QTMAN: variants seen among roughly 807,000 people sequenced by gnomAD.
QTMAN encodes tRNA-queuosine alpha-mannosyltransferase.
the QTMAN span, among the ~76,000 whole-genome samples, chr2:144,300,021 T>C: frequency 6.6e-6 from 1 of 152,268 alleles, no homozygotes; most frequent in Admixed American, 6.5e-5. Flanking sequence ...TCAATCAAAA[T>C]GGCAAATGCC....
the QTMAN span, among the ~76,000 whole-genome samples, chr2:144,309,021 T>C: frequency 1.9e-4 from 29 of 152,240 alleles, no homozygotes; most frequent in African/African-American, 7.0e-4. Flanking sequence ...AATGAAAATA[T>C]CAACATCACT....
the QTMAN span, among the ~76,000 whole-genome samples, chr2:144,180,473 A>T: frequency 7.9e-5 from 12 of 152,196 alleles, no homozygotes; most frequent in Non-Finnish European, 1.0e-4. Context: ...TTCAGAGTTT[A>T]GCTACCAATA....
chr2:144,010,716 G>C, the QTMAN span, among the ~76,000 whole-genome samples: 16 of 151,966 alleles, frequency 1.1e-4, no homozygotes, highest in Non-Finnish European at 2.1e-4. Flanking sequence ...TAATAATTAA[G>C]GCAATGGAAG....
At chr2:144,267,451 T>G in the QTMAN span, among the ~76,000 whole-genome samples, 2 of 152,122 alleles carry the variant, frequency 1.3e-5, no homozygotes, top group Admixed American at 1.3e-4. Flanking sequence ...ACCCTCTACA[T>G]TTGGCTAGAT....
the QTMAN span, among the ~76,000 whole-genome samples, chr2:144,212,621 T>C: frequency 1.3e-5 from 2 of 152,194 alleles, no homozygotes; most frequent in African/African-American, 2.4e-5. Flanking sequence ...TAGTATTATA[T>C]GACATTAAGA....
the QTMAN span, among the ~76,000 whole-genome samples, chr2:144,184,068 T>A: frequency 6.6e-6 from 1 of 152,154 alleles, no homozygotes; most frequent in Admixed American, 6.6e-5. Context: ...AAAGCTGGGA[T>A]AAGTTAGAGA....
At chr2:144,146,404 G>A in the QTMAN span, among the ~76,000 whole-genome samples, 1 of 151,056 alleles carries the variant, frequency 6.6e-6, no homozygotes, top group African/African-American at 2.4e-5. Flanking sequence ...TTTTATGAAA[G>A]GCTGATTCCT....
chr2:144,027,570 C>T, the QTMAN span, among the ~76,000 whole-genome samples: 1 of 152,172 alleles, frequency 6.6e-6, no homozygotes, highest in Non-Finnish European at 1.5e-5. Context: ...GAAATGGCTG[C>T]CTTCCGCAAA....
At chr2:143,965,060 C>CTTT in the QTMAN span, among the ~76,000 whole-genome samples, 5 of 142,440 alleles carry the variant, frequency 3.5e-5, no homozygotes, top group South Asian at 9.0e-4. Flanking sequence ...TGTTCTTCTT[C>CTTT]TTTTTTTTTT....
chr2:144,261,335 AG>A, the QTMAN span, among the ~76,000 whole-genome samples: 9 of 152,230 alleles, frequency 5.9e-5, no homozygotes, highest in East Asian at 3.9e-4. Context: ...AATTTCGGGG[AG>A]GGGGGGATGA....
the QTMAN span, among the ~76,000 whole-genome samples, chr2:144,059,545 G>A: frequency 4.6e-5 from 7 of 152,290 alleles, no homozygotes; most frequent in African/African-American, 1.7e-4. Flanking sequence ...AAGAAAGAAA[G>A]AAATGAGGGA....
chr2:144,287,982 G>T, the QTMAN span, among the ~76,000 whole-genome samples: 1 of 152,006 alleles, frequency 6.6e-6, no homozygotes. Flanking sequence ...AGCCTCCCAA[G>T]TAGCTGGGAT....
chr2:144,143,783 A>G, the QTMAN span, among the ~76,000 whole-genome samples: 1 of 151,960 alleles, frequency 6.6e-6, no homozygotes, highest in African/African-American at 2.4e-5. Flanking sequence ...ACATGTGTTC[A>G]TAAGTCAGAG....
chr2:144,183,801 A>C, the QTMAN span, among the ~76,000 whole-genome samples: 4 of 152,252 alleles, frequency 2.6e-5, no homozygotes, highest in East Asian at 7.7e-4. Flanking sequence ...TATCCTAACA[A>C]CACCTCCCCA....
the QTMAN span, among the ~76,000 whole-genome samples, chr2:144,287,493 T>TAC: frequency 6.6e-6 from 1 of 152,072 alleles, no homozygotes; most frequent in African/African-American, 2.4e-5. Flanking sequence ...ATATGTTCTT[T>TAC]GATTGTAAAA....
chr2:144,024,428 G>C, the QTMAN span, among the ~76,000 whole-genome samples: 9 of 152,152 alleles, frequency 5.9e-5, no homozygotes, highest in African/African-American at 2.2e-4. Flanking sequence ...GGTCCTGGAT[G>C]CTTCTGTATA....
chr2:144,110,683 C>A, the QTMAN span, among the ~76,000 whole-genome samples: 1 of 140,660 alleles, frequency 7.1e-6, no homozygotes, highest in Non-Finnish European at 1.5e-5. Context: ...AAATCGACCC[C>A]CCCCCAAAAA....
the QTMAN span, among the ~76,000 whole-genome samples, chr2:144,153,695 A>G: frequency 7.9e-5 from 12 of 152,158 alleles, no homozygotes; most frequent in African/African-American, 2.9e-4. Context: ...CGTCTCAAAG[A>G]AAACAAAAAC....
the QTMAN span, among the ~76,000 whole-genome samples, chr2:144,123,481 T>G: frequency 6.6e-6 from 1 of 152,122 alleles, no homozygotes; most frequent in African/African-American, 2.4e-5. Context: ...TATATAGGTA[T>G]GAAAATTATT....
Sources: allele counts gnomAD v4.1 joint callset (sites outside exome capture counted in the v4.1 genomes callset), GRCh38; gene constraint gnomAD v4.1.1; transcripts MANE v1.5; gene names NCBI Gene and HGNC (gene_info 2026-07-23, HGNC 2026-07-21).